ADAMTSL3: variants seen among roughly 807,000 people sequenced by gnomAD.
ADAMTSL3 encodes the protein ADAMTS-like protein 3.
Under a neutral mutation model 201.7 loss-of-function variants are expected in ADAMTSL3, and 128 were observed. The observed-to-expected ratio is 0.63, with a 90% CI of 0.55 to 0.73. The LOEUF is 0.73. ADAMTSL3 is among the 30% of genes least tolerant of loss of function. The probability of loss-of-function intolerance (pLI) is 0.00; values close to 1 mark genes in which losing one functional copy is unlikely to be tolerated. For synonymous variants in ADAMTSL3, 738 were observed against 748.4 expected (o/e 0.99, Z 0.23); for missense variants, 1,990 against 2,119.6 (o/e 0.94, Z 1.20).
At position 83,926,612 on chromosome 15, in the gene ADAMTSL3, ACTTT is replaced by A. The variant is rs532610104; in HGVS notation, c.2117+2580_2117+2583del. Reference sequence around the variant, plus strand: ...TTTTATTGTTTATATGACACTAACAACTTTTTTTTTTTTTTTTTGAGACGGAGTT... The same window carrying A: ...TTTTATTGTTTATATGACACTAACAATTTTTTTTTTTTTTGAGACGGAGTT... On this transcript the variant is annotated intron_variant, in intron 17 of 29. Coordinates refer to ENST00000286744, the MANE Select transcript of ADAMTSL3 (RefSeq NM_207517.3). 7.9e-3 allele frequency among the ~76,000 whole-genome samples: 879 copies of A among 111,348 alleles called. 9 individuals carry two copies. Among genetic ancestry groups the A allele is most frequent in the African/African-American group, 0.027 (698 of 26,068 alleles). The allele number at this position is 111,348 out of a possible 152,430, so 73.0% of individuals were successfully genotyped here.
chr15:83,715,647 C>CGAGCATA (rs1434752448), intron 3 of ADAMTSL3, among the ~76,000 whole-genome samples: 24 of 152,190 alleles, frequency 1.6e-4, no homozygotes, highest in African/African-American at 5.8e-4. Context: ...AAATGCACAA[C>CGAGCATA]GAGCATATAT....
intron 3 of ADAMTSL3, among the ~76,000 whole-genome samples, chr15:83,743,338 C>T (rs1255009662): frequency 6.6e-6 from 1 of 151,638 alleles, no homozygotes; most frequent in Non-Finnish European, 1.5e-5. Context: ...AAGGTGAAAC[C>T]CCGTCTCTAC....
intron 23 of ADAMTSL3, among the ~76,000 whole-genome samples, chr15:83,995,966 C>G (rs1346043226): frequency 1.3e-5 from 2 of 151,998 alleles, no homozygotes; most frequent in Non-Finnish European, 2.9e-5. Context: ...TTCAAGCATA[C>G]AGTATATGGA....
chr15:83,939,327 A>G (rs1378096824), intron 17 of ADAMTSL3, among the ~76,000 whole-genome samples: 1 of 152,120 alleles, frequency 6.6e-6, no homozygotes, highest in Non-Finnish European at 1.5e-5. Flanking sequence ...CAAGGAAGCC[A>G]TCTGACATGG....
At chr15:83,900,148 A>T (rs1433217549) in intron 15 of ADAMTSL3, among the ~76,000 whole-genome samples, 1 of 152,206 alleles carries the variant, frequency 6.6e-6, no homozygotes, top group Non-Finnish European at 1.5e-5. Flanking sequence ...ATCATAGGGA[A>T]ATGGAAAGAA....
chr15:83,725,698 G>A lies in ADAMTSL3; in HGVS notation c.189+21190G>A, dbSNP rs114286212. ...TTCTTGGCACCTTTGTTGAAAATGA[G>A]TTCACTGTAGAAGTATGCATTTATA... On this transcript the variant is annotated intron_variant, in intron 3 of 29. Transcript: ENST00000286744. Among the ~76,000 whole-genome samples the A allele has an allele frequency of 4.3e-3, 657 of 152,218 alleles. 3 individuals carry two copies. Among genetic ancestry groups the A allele is most frequent in the African/African-American group, 0.015 (624 of 41,532 alleles).
chr15:83,779,868 T>G (rs909977491), intron 4 of ADAMTSL3, among the ~76,000 whole-genome samples: 1 of 152,062 alleles, frequency 6.6e-6, no homozygotes, highest in South Asian at 2.1e-4. Flanking sequence ...AATCAAGAAG[T>G]TATTTGAAAC....
intron 21 of ADAMTSL3, among the ~76,000 whole-genome samples, chr15:83,988,251 A>G (rs575891407): frequency 4.6e-5 from 7 of 152,228 alleles, no homozygotes; most frequent in Non-Finnish European, 8.8e-5. Context: ...AGCCTTAGCC[A>G]AAGCCCAATC....
intron 3 of ADAMTSL3, among the ~76,000 whole-genome samples, chr15:83,746,265 C>T (rs919176518): frequency 6.6e-6 from 1 of 151,158 alleles, no homozygotes; most frequent in African/African-American, 2.4e-5. Context: ...CCCATCCTCC[C>T]TTGCAGTCTG....
intron 24 of ADAMTSL3, among the ~76,000 whole-genome samples, chr15:84,015,650 G>T (rs2068076373): frequency 6.6e-6 from 1 of 152,200 alleles, no homozygotes; most frequent in Non-Finnish European, 1.5e-5. Flanking sequence ...AGGCAGTGGT[G>T]TGCCACCACG....
chr15:83,926,309 A>G (rs2066244483), intron 17 of ADAMTSL3, among the ~76,000 whole-genome samples: 1 of 152,324 alleles, frequency 6.6e-6, no homozygotes, highest in South Asian at 2.1e-4. Context: ...CAGATGAGAT[A>G]GGAATGGGCA....
At chr15:83,838,685 C>A (rs920460435) in intron 7 of ADAMTSL3, among the ~76,000 whole-genome samples, 1 of 152,108 alleles carries the variant, frequency 6.6e-6, no homozygotes, top group Non-Finnish European at 1.5e-5. Context: ...TTTTTTCTGT[C>A]ATACCTATTT....
chr15:83,913,040 A>G (rs953729103), intron 15 of ADAMTSL3, 52 bp from the exon 16 acceptor site: 1 of 1,575,552 alleles, frequency 6.3e-7, no homozygotes, highest in Non-Finnish European at 8.6e-7. Context: ...TTTCTGGCCT[A>G]TATTTAATGA....
At chr15:83,913,948 A>G (rs2065982538) in intron 16 of ADAMTSL3, among the ~76,000 whole-genome samples, 1 of 152,240 alleles carries the variant, frequency 6.6e-6, no homozygotes, top group Admixed American at 6.5e-5. Flanking sequence ...CTGATGATTT[A>G]TACAATCTAG....
intron 19 of ADAMTSL3, among the ~76,000 whole-genome samples, chr15:83,954,720 A>T (rs1470443790): frequency 1.3e-5 from 2 of 152,242 alleles, no homozygotes; most frequent in Non-Finnish European, 2.9e-5. Context: ...CTTCATGCAC[A>T]CTCATAGAGA....
At chr15:84,003,013 A>G (rs935021831) in intron 23 of ADAMTSL3, among the ~76,000 whole-genome samples, 3 of 138,034 alleles carry the variant, frequency 2.2e-5, no homozygotes, top group African/African-American at 8.2e-5. Context: ...AGTGCCATGC[A>G]GTGGCATGAT....
chr15:83,971,435 T>C (rs2142126374), intron 20 of ADAMTSL3, among the ~76,000 whole-genome samples: 1 of 151,540 alleles, frequency 6.6e-6, no homozygotes, highest in African/African-American at 2.4e-5. Flanking sequence ...CACACTCCTG[T>C]AGTCCCAGCT....
intron 3 of ADAMTSL3, among the ~76,000 whole-genome samples, chr15:83,720,407 T>G (rs1015156234): frequency 3.3e-5 from 5 of 152,214 alleles, no homozygotes; most frequent in African/African-American, 9.6e-5. Flanking sequence ...GTCCCTGACC[T>G]CATTGCCACA....
At chr15:83,872,014 T>C (rs1275115418) in intron 9 of ADAMTSL3, among the ~76,000 whole-genome samples, 1 of 152,214 alleles carries the variant, frequency 6.6e-6, no homozygotes, top group Non-Finnish European at 1.5e-5. Flanking sequence ...GGAGGTAGAT[T>C]AGAGTTGCTG....
Sources: allele counts gnomAD v4.1 joint callset (sites outside exome capture counted in the v4.1 genomes callset), GRCh38; gene constraint gnomAD v4.1.1; transcripts MANE v1.5; gene names NCBI Gene and HGNC (gene_info 2026-07-23, HGNC 2026-07-21).